ZNF343: variants seen among roughly 807,000 people sequenced by gnomAD.
ZNF343 encodes zinc finger protein 343.
ZNF343 carries 11 observed loss-of-function variants against 13.8 expected under a neutral mutation model. The observed-to-expected ratio is 0.80, with a 90% CI of 0.50 to 1.32. The LOEUF is 1.32. Ranked by LOEUF, ZNF343 falls within the 40% of genes most tolerant of loss-of-function variation. ZNF343 has a pLI of 0.00. For synonymous variants in ZNF343, 248 were observed against 260.0 expected (o/e 0.95, Z 0.44); for missense variants, 658 against 714.2 (o/e 0.92, Z 0.90).
chr20:2,492,568 C>T (rs1040665396), intron 5 of ZNF343, 131 bp downstream of exon 5: 4 of 1,050,846 alleles, frequency 3.8e-6, no homozygotes, highest in African/African-American at 3.3e-5. Context: ...AAGTAAGCCC[C>T]ATGGAGGCAG....
intron 1 of ZNF343, among the ~76,000 whole-genome samples, chr20:2,523,242 G>A (rs1358410229): frequency 6.6e-6 from 1 of 152,186 alleles, no homozygotes; most frequent in African/African-American, 2.4e-5. Context: ...AAAAAGGGGA[G>A]GAACCCTCGG....
At chr20:2,492,259 A>G (rs996322771) in intron 5 of ZNF343, among the ~76,000 whole-genome samples, 2 of 152,204 alleles carry the variant, frequency 1.3e-5, no homozygotes, top group Non-Finnish European at 1.5e-5. Flanking sequence ...CTGGGCAGGT[A>G]CATCCCTTCA....
intron 1 of ZNF343, among the ~76,000 whole-genome samples, chr20:2,505,467 C>A (rs1345354566): frequency 6.6e-6 from 1 of 152,048 alleles, no homozygotes; most frequent in Non-Finnish European, 1.5e-5. Context: ...TCATATGGAA[C>A]CAAAAAACAG....
intron 5 of ZNF343, 62 bp downstream of exon 5, chr20:2,492,637 A>G (rs966991877): frequency 6.3e-7 from 1 of 1,578,218 alleles, no homozygotes; most frequent in Non-Finnish European, 8.6e-7. Flanking sequence ...TTTGTGGTAC[A>G]TATTAGGTGA....
intron 1 of ZNF343, among the ~76,000 whole-genome samples, chr20:2,503,552 G>T (rs2085605852): frequency 6.6e-6 from 1 of 152,020 alleles, no homozygotes; most frequent in African/African-American, 2.4e-5. Context: ...TGACCACATA[G>T]TTGGAAGTAA....
rs766838505 is a variant in ZNF343, at chr20:2,484,020, C to A, written c.941G>T (p.Arg314Ile). The A allele has an allele frequency of 6.2e-7, 1 of 1,614,056 alleles. No homozygotes were observed. Among genetic ancestry groups the A allele is most frequent in the East Asian group, 2.2e-5 (1 of 44,858 alleles). ...CTCTTCTGAATGTGTTCTCTGGTGTCTGCTGAGGTTGGACTTCTGGCTAAA... is the reference window on the plus strand; with the variant it reads ...CTCTTCTGAATGTGTTCTCTGGTGTATGCTGAGGTTGGACTTCTGGCTAAA... ...RGFSQKSNLS[R>I]HQRTHSEEKP... Residue 314 changes from arginine to isoleucine, a missense_variant, in exon 6 of 6, where the codon AGA becomes ATA. Coordinates refer to ENST00000278772, the MANE Select transcript of ZNF343 (RefSeq NM_024325.6).
intron 5 of ZNF343, among the ~76,000 whole-genome samples, chr20:2,485,211 C>T (rs952651829): frequency 6.6e-6 from 1 of 152,188 alleles, no homozygotes. Flanking sequence ...GTACTAGGTT[C>T]TCTACTAAGT....
At chr20:2,506,643 T>C (rs778930307) in intron 1 of ZNF343, among the ~76,000 whole-genome samples, 11 of 152,158 alleles carry the variant, frequency 7.2e-5, no homozygotes, top group Non-Finnish European at 1.6e-4. Flanking sequence ...ATGTCCTTTG[T>C]AGGGACATGG....
chr20:2,495,024 C>T (rs1485397574), intron 2 of ZNF343, among the ~76,000 whole-genome samples: 1 of 152,188 alleles, frequency 6.6e-6, no homozygotes, highest in Non-Finnish European at 1.5e-5. Flanking sequence ...AGCTATGCCA[C>T]CTTCAAAAGC....
At chr20:2,502,156 C>T (rs1470627956) in intron 1 of ZNF343, among the ~76,000 whole-genome samples, 3 of 152,124 alleles carry the variant, frequency 2.0e-5, no homozygotes, top group South Asian at 2.1e-4. Flanking sequence ...ACGAGAACTA[C>T]GTGACGAATG....
chr20:2,496,387 C>T lies in ZNF343; in HGVS notation c.-149-2343G>A, dbSNP rs73892464. ...CTGTGGCAGGAGGGTGTAAGTGAAA[C>T]ACAGTGGTGGCAGTTAAGAGCAGTC... On this transcript the variant is annotated intron_variant, in intron 2 of 5. Transcript: ENST00000278772. 9.9e-3 allele frequency among the ~76,000 whole-genome samples: 1,508 copies of T among 152,260 alleles called. 18 individuals carry two copies. The highest frequency in any genetic ancestry group is 0.034 in the African/African-American group (1,422 of 41,534).
At chr20:2,507,362 G>A (rs1034018444) in intron 1 of ZNF343, among the ~76,000 whole-genome samples, 2 of 152,070 alleles carry the variant, frequency 1.3e-5, no homozygotes, top group East Asian at 3.9e-4. Context: ...GCTTCTAGGG[G>A]ACAGAACCAT....
At chr20:2,516,945 G>T (rs1024025632) in intron 1 of ZNF343, among the ~76,000 whole-genome samples, 2 of 152,002 alleles carry the variant, frequency 1.3e-5, no homozygotes, top group African/African-American at 4.8e-5. Context: ...TCACTGTCAC[G>T]GTCATTACTT....
upstream of ZNF343, among the ~76,000 whole-genome samples, chr20:2,512,330 G>A (rs571015151): frequency 2.6e-5 from 4 of 152,276 alleles, no homozygotes; most frequent in East Asian, 5.8e-4. Flanking sequence ...CCTAAAGTTC[G>A]TATGGAATTT....
At chr20:2,505,243 C>T (rs1485429137) in intron 1 of ZNF343, among the ~76,000 whole-genome samples, 1 of 152,140 alleles carries the variant, frequency 6.6e-6, no homozygotes. Context: ...ATCCAACTTA[C>T]AAGGGACGTG....
chr20:2,498,533 G>A (rs577530298), intron 2 of ZNF343, among the ~76,000 whole-genome samples: 1 of 152,262 alleles, frequency 6.6e-6, no homozygotes, highest in Middle Eastern at 3.4e-3. Flanking sequence ...TTCCCACACA[G>A]CTACAAGGGC....
intron 1 of ZNF343, 134 bp from the exon 2 acceptor site, chr20:2,500,876 G>C (rs1315269562): frequency 1.3e-5 from 2 of 152,336 alleles, no homozygotes; most frequent in African/African-American, 4.8e-5. Flanking sequence ...ACAGCTCCGA[G>C]CGCGAGCGAC....
In ZNF343 at chr20:2,484,114, T is replaced by C. The variant is rs201630435; in HGVS notation, c.847A>G (p.Thr283Ala). Residue 283 changes from threonine to alanine, a missense_variant, in exon 6 of 6, where the codon ACC (threonine) becomes GCC (alanine). Transcript: ENST00000278772. Reference sequence around the variant, plus strand: ...TGTATACGATGGTGTCTGATGAGGGTTGATCTATCTTTAAAGCTTCGCCCA... The same window carrying C: ...TGTATACGATGGTGTCTGATGAGGGCTGATCTATCTTTAAAGCTTCGCCCA... ...DCGRSFKDRS[T>A]LIRHHRIHSM... The C allele has an allele frequency of 4.3e-6, 7 of 1,614,072 alleles. No individual in the cohort carries two copies. The highest frequency in any genetic ancestry group is 4.5e-5 in the East Asian group (2 of 44,900).
At chr20:2,502,140 C>T (rs1377654704) in intron 1 of ZNF343, among the ~76,000 whole-genome samples, 2 of 152,180 alleles carry the variant, frequency 1.3e-5, no homozygotes, top group Non-Finnish European at 2.9e-5. Flanking sequence ...AGCTGAAAAC[C>T]ATGGCACGAG....
Sources: allele counts gnomAD v4.1 joint callset (sites outside exome capture counted in the v4.1 genomes callset), GRCh38; gene constraint gnomAD v4.1.1; transcripts MANE v1.5; gene names NCBI Gene and HGNC (gene_info 2026-07-23, HGNC 2026-07-21).